The following LINGO2 variants were observed in gnomAD, a reference collection of about 807,000 sequenced individuals.
LINGO2 encodes leucine-rich repeat and immunoglobulin-like domain-containing nogo receptor-interacting protein 2.
A neutral mutation model predicts 30.6 loss-of-function variants in LINGO2; 14 were observed. That is an observed-to-expected ratio of 0.46 (90% CI 0.30 to 0.72). The LOEUF (loss-of-function observed/expected upper bound fraction) is 0.72, where lower values mean the gene tolerates loss of function less well. Among genes scored for constraint, LINGO2 ranks in the 30% least tolerant of loss-of-function variants. The pLI is 0.07. For synonymous variants in LINGO2, 317 were observed against 288.5 expected, an observed-to-expected ratio of 1.10 and a Z score of -1.00; for missense variants, 729 against 751.7, an observed-to-expected ratio of 0.97 and a Z score of 0.35.
At chr9:29,006,124 C>T in the LINGO2 span, among the ~76,000 whole-genome samples, 1 of 150,824 alleles carries the variant, frequency 6.6e-6, no homozygotes. Context: ...TAGTATAGTG[C>T]CTAGCAAATA....
chr9:28,782,697 G>C, the LINGO2 span, among the ~76,000 whole-genome samples: 2 of 152,086 alleles, frequency 1.3e-5, no homozygotes, highest in Admixed American at 1.3e-4. Context: ...TTACTTCTTT[G>C]AAAGTCATCC....
At chr9:28,488,615 A>G (rs1389967733) in intron 1 of LINGO2, among the ~76,000 whole-genome samples, 7 of 152,174 alleles carry the variant, frequency 4.6e-5, no homozygotes, top group African/African-American at 1.4e-4. Flanking sequence ...ACAACAGCAC[A>G]TATTTCATAT....
chr9:28,467,431 G>T (rs1231008624), intron 2 of LINGO2, among the ~76,000 whole-genome samples: 1 of 152,016 alleles, frequency 6.6e-6, no homozygotes, highest in Non-Finnish European at 1.5e-5. Flanking sequence ...TATAGATTCT[G>T]CTTTCCCTAT....
intron 1 of LINGO2, among the ~76,000 whole-genome samples, chr9:28,543,517 A>G (rs1821796624): frequency 6.6e-6 from 1 of 152,114 alleles, no homozygotes; most frequent in Admixed American, 6.6e-5. Context: ...GGGACTGAGC[A>G]ACACTCGTAT....
chr9:28,812,754 G>C, the LINGO2 span, among the ~76,000 whole-genome samples: 1 of 152,112 alleles, frequency 6.6e-6, no homozygotes, highest in African/African-American at 2.4e-5. Flanking sequence ...ATTTGGTTGA[G>C]ATAAAAGCAA....
chr9:28,298,591 G>A lies in LINGO2; in HGVS notation c.-245-3225C>T, dbSNP rs375070912. Among the ~76,000 whole-genome samples the A allele has an allele frequency of 4.2e-4, 63 of 151,658 alleles. No individual in the cohort carries two copies. The South Asian group carries it at 0.011, about 27-fold the overall frequency. The stretch of plus-strand genomic sequence containing the variant: ...CCAGCTACTCGGGAGGCTGAGGCAG[G>A]AGAATTGCTTGAACCTGGGAGGCAG... On this transcript the variant is annotated intron_variant, in intron 3 of 5. Coordinates refer to ENST00000379992, the Ensembl canonical transcript of LINGO2.
the LINGO2 span, among the ~76,000 whole-genome samples, chr9:29,133,982 C>T: frequency 6.6e-6 from 1 of 152,042 alleles, no homozygotes; most frequent in Non-Finnish European, 1.5e-5. Flanking sequence ...GATTTGTTGC[C>T]ATTATAAGTA....
chr9:28,731,670 G>A, the LINGO2 span, among the ~76,000 whole-genome samples: 1 of 152,012 alleles, frequency 6.6e-6, no homozygotes, highest in Non-Finnish European at 1.5e-5. Context: ...GACTATGATG[G>A]CAGATATAGA....
At chr9:28,866,127 C>T in the LINGO2 span, among the ~76,000 whole-genome samples, 4 of 152,064 alleles carry the variant, frequency 2.6e-5, no homozygotes, top group Non-Finnish European at 5.9e-5. Flanking sequence ...CAAATATGCT[C>T]TCTATTTTAT....
At chr9:28,883,112 T>G in the LINGO2 span, among the ~76,000 whole-genome samples, 2 of 152,202 alleles carry the variant, frequency 1.3e-5, no homozygotes, top group South Asian at 4.1e-4. Context: ...GGAGCTGTTA[T>G]CTACCTGTTG....
In LINGO2 at chr9:28,594,533, C is replaced by T. The variant is rs527442347; in HGVS notation, c.-365+75667G>A. Among the ~76,000 whole-genome samples the T allele has an allele frequency of 1.2e-4, 19 of 152,206 alleles. No homozygotes were observed. The East Asian group carries it at 3.3e-3, about 26-fold the overall frequency. Reference sequence around the variant, plus strand: ...CATTTACGCTTGCACTTGCCTTCTTCTGGAACTGGTATTTTACAGTAATAG... The same window carrying T: ...CATTTACGCTTGCACTTGCCTTCTTTTGGAACTGGTATTTTACAGTAATAG... On this transcript the variant is annotated intron_variant, in intron 1 of 5. Coordinates refer to ENST00000379992, the Ensembl canonical transcript of LINGO2.
chr9:28,606,107 C>T (rs1825683267), intron 1 of LINGO2, among the ~76,000 whole-genome samples: 1 of 151,840 alleles, frequency 6.6e-6, no homozygotes, highest in Non-Finnish European at 1.5e-5. Context: ...ACCCAGGATC[C>T]CTTTGTGACT....
chr9:28,735,012 C>T, the LINGO2 span, among the ~76,000 whole-genome samples: 1 of 152,090 alleles, frequency 6.6e-6, no homozygotes, highest in Non-Finnish European at 1.5e-5. Context: ...TTTCCATTCT[C>T]CTATTGATGG....
chr9:28,198,728 C>G (rs755021859), intron 4 of LINGO2, among the ~76,000 whole-genome samples: 1 of 152,098 alleles, frequency 6.6e-6, no homozygotes, highest in Non-Finnish European at 1.5e-5. Flanking sequence ...TCCTGGCAGA[C>G]AGCAGCTAAG....
chr9:29,036,216 T>A, the LINGO2 span, among the ~76,000 whole-genome samples: 1 of 152,234 alleles, frequency 6.6e-6, no homozygotes. Context: ...ACGTTGAGCA[T>A]TTTATATTCA....
chr9:28,521,739 C>T (rs1820836287), intron 1 of LINGO2, among the ~76,000 whole-genome samples: 1 of 152,076 alleles, frequency 6.6e-6, no homozygotes, highest in Non-Finnish European at 1.5e-5. Context: ...TTGAACATAG[C>T]TTCTTTGCAG....
At chr9:28,401,191 G>T (rs1188996916) in intron 2 of LINGO2, among the ~76,000 whole-genome samples, 3 of 151,992 alleles carry the variant, frequency 2.0e-5, no homozygotes, top group African/African-American at 7.3e-5. Flanking sequence ...TAAAAACCGA[G>T]ATAAATGTGC....
intron 1 of LINGO2, among the ~76,000 whole-genome samples, chr9:28,603,456 T>C (rs1355749422): frequency 6.6e-6 from 1 of 152,052 alleles, no homozygotes; most frequent in Non-Finnish European, 1.5e-5. Context: ...TTGGGAATCA[T>C]AGTGGTTTCT....
chr9:29,081,710 A>G, the LINGO2 span, among the ~76,000 whole-genome samples: 1 of 152,198 alleles, frequency 6.6e-6, no homozygotes, highest in African/African-American at 2.4e-5. Flanking sequence ...AATCTCCTTA[A>G]GCCGATAGGC....
Sources: allele counts gnomAD v4.1 joint callset (sites outside exome capture counted in the v4.1 genomes callset), GRCh38; gene constraint gnomAD v4.1.1; transcripts MANE v1.5; gene names NCBI Gene and HGNC (gene_info 2026-07-23, HGNC 2026-07-21).